NDUFAF5: variants seen among roughly 807,000 people sequenced by gnomAD.
NDUFAF5 encodes arginine-hydroxylase NDUFAF5, mitochondrial.
Under a neutral mutation model 48.9 loss-of-function variants are expected in NDUFAF5, and 34 were observed. That is an observed-to-expected ratio of 0.70 (90% confidence interval 0.53 to 0.93). NDUFAF5 has a LOEUF of 0.93. Among genes scored for constraint, NDUFAF5 ranks in the 40% least tolerant of loss-of-function variants. The pLI is 0.00. For missense variants in NDUFAF5, 428 were observed against 427.5 expected, an observed-to-expected ratio of 1.00 and a Z score of -0.01; for synonymous variants, 153 against 150.6, an observed-to-expected ratio of 1.02 and a Z score of -0.12.
intron 7 of NDUFAF5, among the ~76,000 whole-genome samples, chr20:13,807,386 AT>A (rs1317492701): frequency 1.3e-5 from 2 of 151,824 alleles, no homozygotes; most frequent in Non-Finnish European, 2.9e-5. Flanking sequence ...TTCCCCAAAG[AT>A]TTGTTAGCTG....
Position 13,785,136 on chromosome 20 carries a change from A to G in NDUFAF5, c.68A>G (p.Asn23Ser). The G allele has an allele frequency of 6.2e-7, 1 of 1,613,954 alleles. No homozygotes were observed. The highest frequency in any genetic ancestry group is 8.5e-7 in the Non-Finnish European group (1 of 1,179,974). ...RPWAARVPAE[N>S]LGRREVTSGV... ...TGGGCGGCGAGGGTCCCAGCGGAGA[A>G]TCTTGGCCGTAGGGAAGTCACCTCT... Residue 23 changes from asparagine to serine, a missense_variant, in exon 1 of 11, where the codon AAT (asparagine) becomes AGT (serine). Asn to Ser is a conservative substitution (Grantham distance 46). Transcript: ENST00000378106.
At chr20:13,790,080 T>A (rs904501567) in intron 3 of NDUFAF5, among the ~76,000 whole-genome samples, 2 of 152,042 alleles carry the variant, frequency 1.3e-5, no homozygotes, top group Non-Finnish European at 2.9e-5. Flanking sequence ...TAGAATGCTG[T>A]AGGGTGTGAT....
In NDUFAF5 at chr20:13,820,607, T is replaced by C. The variant is rs1986919266; in HGVS notation, c.*3397T>C. ...TACTCAGAAGGCTGAGGTGGGAGTA[T>C]TGATCGAGCCCAGGAGGTCAAGGCT... On this transcript the variant is annotated 3_prime_UTR_variant, in exon 11 of 11. Coordinates refer to ENST00000378106, the MANE Select transcript of NDUFAF5 (RefSeq NM_024120.5). 3 of 152,184 alleles carry C rather than the reference T, an allele frequency of 2.0e-5. No homozygotes were observed. The highest frequency in any genetic ancestry group is 7.2e-5 in the African/African-American group (3 of 41,482). The allele number at this position is 152,184 out of a possible 1,614,324, so 9.4% of individuals were successfully genotyped here. A position where few individuals can be genotyped will look rare whatever the true frequency, so the allele number is the denominator to read the frequency against.
intron 1 of NDUFAF5, chr20:13,787,067 G>T (rs112555170): frequency 8.1e-6 from 3 of 371,626 alleles, no homozygotes; most frequent in Non-Finnish European, 1.5e-5. Context: ...ATATATATAT[G>T]TGTGTGTGTG....
intron 5 of NDUFAF5, among the ~76,000 whole-genome samples, chr20:13,798,127 G>C (rs1224634172): frequency 6.6e-6 from 1 of 152,046 alleles, no homozygotes; most frequent in African/African-American, 2.4e-5. Flanking sequence ...TTGCAAATAA[G>C]GTCTCAGAAT....
chr20:13,798,599 C>A, intron 6 of NDUFAF5, 99 bp downstream of exon 6: 1 of 982,646 alleles, frequency 1.0e-6, no homozygotes, highest in Non-Finnish European at 1.6e-6. Flanking sequence ...ACTTGTAGGT[C>A]TGACAGTTGG....
chr20:13,794,692 G>T (rs1982893363), intron 4 of NDUFAF5, 146 bp from the exon 5 acceptor site: 3 of 663,444 alleles, frequency 4.5e-6, no homozygotes, highest in Non-Finnish European at 8.1e-6. Flanking sequence ...ATGCTTTTTG[G>T]GTGCCTTCTC....
chr20:13,809,197 G>A (rs1985506770), intron 8 of NDUFAF5, among the ~76,000 whole-genome samples: 1 of 152,148 alleles, frequency 6.6e-6, no homozygotes. Context: ...AAAAGATGGC[G>A]GGACTTTTTT....
In NDUFAF5 at chr20:13,820,261, A is replaced by G. The variant is rs1376803377; in HGVS notation, c.*3051A>G. 1 of 152,230 alleles carries G rather than the reference A, an allele frequency of 6.6e-6. No homozygotes were observed. 9.4% of individuals were successfully genotyped at this position (152,230 alleles called of 1,614,324 possible). A position where few individuals can be genotyped will look rare whatever the true frequency, so the allele number is the denominator to read the frequency against. On this transcript the variant is annotated 3_prime_UTR_variant, in exon 11 of 11. Transcript: ENST00000378106. ...GCTACCTATATACATCAAGTATGTG[A>G]TATGATTGTAAAAAGTTACAGAAGT...
intron 7 of NDUFAF5, among the ~76,000 whole-genome samples, chr20:13,805,798 G>T (rs1984917192): frequency 6.6e-6 from 1 of 151,906 alleles, no homozygotes; most frequent in Non-Finnish European, 1.5e-5. Context: ...TTAAATAGCT[G>T]GGCCTGCCTG....
Position 13,816,544 on chromosome 20 carries a change from G to C in NDUFAF5, c.860G>C (p.Arg287Thr). 2 of 1,613,396 alleles carry C rather than the reference G, an allele frequency of 1.2e-6. No homozygotes were observed. Among genetic ancestry groups the C allele is most frequent in the Non-Finnish European group, 1.7e-6 (2 of 1,179,476 alleles). Residue 287 changes from arginine to threonine, a missense_variant and splice_region_variant, in exon 9 of 11, where the codon AGA (arginine) becomes ACA (threonine). Physicochemically the swap from Arg to Thr is moderately conservative, Grantham distance 71. Transcript: ENST00000378106. ...ATGCTGGCAGCTGCGGCAGTGTACA[G>C]AGGTAAGGGGCGACCACTCTTTCAC... ...DTMLAAAAVYREMYRNEDGSV... is the reference protein window; with the variant it reads ...DTMLAAAAVYTEMYRNEDGSV...
chr20:13,816,750 A>T (rs1568787344), intron 9 of NDUFAF5, 125 bp from the exon 10 acceptor site: 1 of 773,296 alleles, frequency 1.3e-6, no homozygotes, highest in Non-Finnish European at 2.3e-6. Context: ...TTTTTCATGT[A>T]AGATGTTCTC....
intron 4 of NDUFAF5, among the ~76,000 whole-genome samples, chr20:13,793,652 T>A (rs144135939): frequency 2.0e-5 from 3 of 152,330 alleles, no homozygotes; most frequent in Admixed American, 2.0e-4. Context: ...TGAAGGGCAG[T>A]TACGTTTCTA....
intron 8 of NDUFAF5, among the ~76,000 whole-genome samples, chr20:13,810,971 T>C (rs1474494534): frequency 3.3e-5 from 5 of 152,152 alleles, no homozygotes; most frequent in Non-Finnish European, 7.4e-5. Flanking sequence ...ATAGTCATTA[T>C]AGGGAATGAG....
chr20:13,791,974 A>G (rs1982352358), intron 3 of NDUFAF5, among the ~76,000 whole-genome samples: 2 of 152,236 alleles, frequency 1.3e-5, no homozygotes, highest in South Asian at 4.1e-4. Context: ...GCTTGACATC[A>G]GCCCTGGTGG....
intron 8 of NDUFAF5, chr20:13,816,218 C>T (rs1986437837): frequency 1.8e-6 from 1 of 549,098 alleles, no homozygotes; most frequent in Admixed American, 2.7e-5. Flanking sequence ...GCAAGTAAAG[C>T]ATTGTGGAGC....
At position 13,785,243 on chromosome 20, in the gene NDUFAF5, G is replaced by A; in HGVS notation, c.175G>A (p.Ala59Thr). ...TTTGAAAAGGAAACAGAAGAACTGGGCAGCCCGGCAGCCCGAGCCGACCAA... is the reference window on the plus strand; with the variant it reads ...TTTGAAAAGGAAACAGAAGAACTGGACAGCCCGGCAGCCCGAGCCGACCAA... ...RDLKRKQKNWAARQPEPTKFD... is the reference protein window; with the variant it reads ...RDLKRKQKNWTARQPEPTKFD... Residue 59 changes from alanine to threonine, a missense_variant, in exon 1 of 11, where the codon GCA becomes ACA. Physicochemically the swap from Ala to Thr is moderately conservative, Grantham distance 58 (BLOSUM62 0). Transcript: ENST00000378106. 1 of 1,613,196 alleles carries A rather than the reference G, an allele frequency of 6.2e-7. No homozygotes were observed. Among genetic ancestry groups the A allele is most frequent in the Non-Finnish European group, 8.5e-7 (1 of 1,179,700 alleles).
At chr20:13,807,976 G>C (rs1985317738) in intron 7 of NDUFAF5, among the ~76,000 whole-genome samples, 4 of 151,816 alleles carry the variant, frequency 2.6e-5, no homozygotes. Flanking sequence ...TTTTAGGCTA[G>C]TTTCCAATAA....
At chr20:13,793,045 C>G (rs1488703902) in intron 3 of NDUFAF5, 135 bp from the exon 4 acceptor site, 8 of 877,394 alleles carry the variant, frequency 9.1e-6, no homozygotes, top group Non-Finnish European at 1.5e-5. Flanking sequence ...TATTTGTGTA[C>G]CATACTGGTT....
Sources: allele counts gnomAD v4.1 joint callset (sites outside exome capture counted in the v4.1 genomes callset), GRCh38; gene constraint gnomAD v4.1.1; transcripts MANE v1.5; gene names NCBI Gene and HGNC (gene_info 2026-07-23, HGNC 2026-07-21).